PPME1: variants seen among roughly 807,000 people sequenced by gnomAD.
PPME1 encodes testicular secretory protein Li 39.
Under a neutral mutation model 56.9 loss-of-function variants are expected in PPME1, and 17 were observed. That is an observed-to-expected ratio of 0.30 (90% CI 0.20 to 0.45). PPME1 has a LOEUF of 0.45. Among genes scored for constraint, PPME1 ranks in the 20% least tolerant of loss-of-function variants. The pLI is 1.00. For synonymous variants in PPME1, 122 were observed against 156.2 expected (o/e 0.78, Z 1.63); for missense variants, 357 against 483.2 (o/e 0.74, Z 2.45).
chr11:74,180,718 T>C (rs1025984093), intron 1 of PPME1, among the ~76,000 whole-genome samples: 1 of 152,228 alleles, frequency 6.6e-6, no homozygotes, highest in Non-Finnish European at 1.5e-5. Context: ...TCCTCTTTGA[T>C]TCCCCAAACC....
chr11:74,190,284 T>A (rs1857800023), intron 1 of PPME1, among the ~76,000 whole-genome samples: 2 of 152,184 alleles, frequency 1.3e-5, no homozygotes, highest in South Asian at 4.1e-4. Context: ...TGGAAAGTAT[T>A]GGGTCATGGG....
chr11:74,177,068 A>G (rs550371538), intron 1 of PPME1, among the ~76,000 whole-genome samples: 5 of 152,140 alleles, frequency 3.3e-5, no homozygotes, highest in Non-Finnish European at 7.3e-5. Flanking sequence ...AAGTGAGGAA[A>G]AGAAGACATT....
At chr11:74,225,307 A>AT in intron 5 of PPME1, 51 bp downstream of exon 5, 2 of 1,231,878 alleles carry the variant, frequency 1.6e-6, no homozygotes, top group South Asian at 1.4e-5. Context: ...TCACTATTAT[A>AT]AATAGTACTA....
intron 3 of PPME1, among the ~76,000 whole-genome samples, chr11:74,206,643 C>T (rs934545972): frequency 2.0e-5 from 3 of 152,188 alleles, no homozygotes; most frequent in Non-Finnish European, 4.4e-5. Context: ...TCATAGCTCA[C>T]TACAACCTCA....
chr11:74,231,990 T>C (rs184424282), intron 7 of PPME1, among the ~76,000 whole-genome samples: 46 of 152,328 alleles, frequency 3.0e-4, no homozygotes, highest in African/African-American at 1.1e-3. Flanking sequence ...CACTGTCCCT[T>C]CCCACAAGGA....
At chr11:74,193,865 T>C (rs1857909146) in intron 1 of PPME1, among the ~76,000 whole-genome samples, 1 of 152,208 alleles carries the variant, frequency 6.6e-6, no homozygotes, top group Admixed American at 6.5e-5. Flanking sequence ...TATATTGTAT[T>C]TGATAATTTC....
chr11:74,171,461 C>G lies in PPME1; in HGVS notation c.40C>G (p.Pro14Ala). ...AAAGAGCATGCACCTCGGCCGCCTT[C>G]CCTCTCGCCCACCTCTACCCGGCAG... ...LEKSMHLGRL[P>A]SRPPLPGSGG... is the part of the protein sequence containing the mutation. The change falls in exon 1 of 14, where the codon CCC becomes GCC. Residue 14 changes from proline (P) to alanine (A), a missense_variant. By Grantham distance (27) the Pro-to-Ala change is conservative. Around this residue, in one of 2 missense-constraint regions of PPME1, gnomAD observed 175 missense variants for 189.4 expected, o/e 0.92. Transcript: ENST00000328257. 1 of 1,613,396 alleles carries G rather than the reference C, an allele frequency of 6.2e-7. No homozygotes were observed. The highest frequency in any genetic ancestry group is 2.2e-5 in the East Asian group (1 of 44,876).
At chr11:74,212,914 C>T (rs1390672315) in intron 3 of PPME1, among the ~76,000 whole-genome samples, 1 of 152,184 alleles carries the variant, frequency 6.6e-6, no homozygotes, top group Non-Finnish European at 1.5e-5. Flanking sequence ...TGTGACCCAA[C>T]ACATTCCCAG....
intron 1 of PPME1, among the ~76,000 whole-genome samples, chr11:74,183,401 G>A (rs1036918031): frequency 1.3e-5 from 2 of 152,172 alleles, no homozygotes; most frequent in African/African-American, 4.8e-5. Context: ...CAATGTTCTT[G>A]TGAGGCACAG....
intron 1 of PPME1, among the ~76,000 whole-genome samples, chr11:74,175,449 C>A (rs1038279846): frequency 1.3e-5 from 2 of 151,812 alleles, no homozygotes; most frequent in African/African-American, 4.8e-5. Flanking sequence ...TGTGGTGAGC[C>A]GAGATCGCGC....
intron 9 of PPME1, among the ~76,000 whole-genome samples, chr11:74,243,957 C>T (rs1565395955): frequency 1.3e-5 from 2 of 152,112 alleles, no homozygotes; most frequent in Non-Finnish European, 2.9e-5. Context: ...TCCAAAGGCC[C>T]CTGGTTGCCA....
chr11:74,194,323 G>A (rs146468820), intron 1 of PPME1, among the ~76,000 whole-genome samples: 1,807 of 152,014 alleles, frequency 0.012, 34 homozygotes, highest in African/African-American at 0.042. Flanking sequence ...ACTGGGCTCC[G>A]CAGCAAGACT....
rs767361449 is a variant in PPME1 at position 74,251,630 on chromosome 11, T to C, written c.1075-18T>C. 1 of 1,612,036 alleles carries C rather than the reference T, an allele frequency of 6.2e-7. No individual in the cohort carries two copies. Among genetic ancestry groups the C allele is most frequent in the South Asian group, 1.1e-5 (1 of 90,808 alleles). ...TCACTAACCTTTATATGGCCTGGAA[T>C]ATCTCTCCCATTTCCAGGTAGCTGA... On this transcript the variant is annotated intron_variant, in intron 12 of 13. Coordinates refer to ENST00000328257, the MANE Select transcript of PPME1 (RefSeq NM_016147.3).
At chr11:74,206,169 CTTA>C (rs1451083162) in intron 3 of PPME1, among the ~76,000 whole-genome samples, 4 of 152,090 alleles carry the variant, frequency 2.6e-5, no homozygotes, top group Admixed American at 1.3e-4. Flanking sequence ...AATTCCATGG[CTTA>C]TTATGCCTAG....
At chr11:74,203,205 T>C (rs910842050) in intron 1 of PPME1, among the ~76,000 whole-genome samples, 13 of 152,182 alleles carry the variant, frequency 8.5e-5, no homozygotes, top group African/African-American at 2.9e-4. Context: ...GGTATTGATA[T>C]TGCCAGTTTG....
chr11:74,186,703 G>A (rs1857691932), intron 1 of PPME1, among the ~76,000 whole-genome samples: 1 of 152,144 alleles, frequency 6.6e-6, no homozygotes. Context: ...ACAAAATTTA[G>A]GAAGCTAGAA....
chr11:74,246,550 G>A (rs1859509485), intron 10 of PPME1, among the ~76,000 whole-genome samples: 1 of 152,132 alleles, frequency 6.6e-6, no homozygotes, highest in Non-Finnish European at 1.5e-5. Context: ...TTGGGAATTG[G>A]GGCTTCAACA....
intron 7 of PPME1, among the ~76,000 whole-genome samples, chr11:74,232,069 C>G (rs1190890587): frequency 1.3e-5 from 2 of 152,184 alleles, no homozygotes; most frequent in Admixed American, 1.3e-4. Flanking sequence ...CATCTCCAGT[C>G]TCTTCTTCAG....
At chr11:74,197,774 T>C (rs1287169873) in intron 1 of PPME1, among the ~76,000 whole-genome samples, 1 of 152,242 alleles carries the variant, frequency 6.6e-6, no homozygotes, top group African/African-American at 2.4e-5. Flanking sequence ...CTAAGGGTTC[T>C]TAATTTGGGA....
Sources: gnomAD v4.1 joint callset for allele counts (sites outside exome capture counted in the v4.1 genomes callset) on GRCh38, gnomAD v4.1.1 for gene constraint, gnomAD v4.1.1 regional missense constraint, MANE v1.5 for transcripts, NCBI Gene and HGNC (gene_info 2026-07-23, HGNC 2026-07-21) for gene names.